B3GALT1: variants seen among roughly 807,000 people sequenced by gnomAD.
B3GALT1 encodes the protein beta-1,3-galactosyltransferase 1, also known as UDP-Gal:betaGlcNAc beta 1,3-galactosyltransferase, polypeptide 1.
A neutral mutation model predicts 23.2 loss-of-function variants in B3GALT1; 10 were observed. The observed-to-expected ratio is 0.43, with a 90% CI of 0.27 to 0.73. The LOEUF (loss-of-function observed/expected upper bound fraction) is 0.73, where lower values mean the gene tolerates loss of function less well. Among genes scored for constraint, B3GALT1 ranks in the 30% least tolerant of loss-of-function variants. The pLI is 0.21. For synonymous variants in B3GALT1, 156 were observed against 141.5 expected (o/e 1.10, Z -0.73); for missense variants, 299 against 405.4 (o/e 0.74, Z 2.25).
chr2:167,355,467 G>A (rs1261294308), intron 1 of B3GALT1, among the ~76,000 whole-genome samples: 1 of 152,126 alleles, frequency 6.6e-6, no homozygotes, highest in Non-Finnish European at 1.5e-5. Context: ...TCTATGTATT[G>A]TATTTAATAA....
At chr2:167,310,895 T>G (rs1393198726) in intron 1 of B3GALT1, among the ~76,000 whole-genome samples, 1 of 152,044 alleles carries the variant, frequency 6.6e-6, no homozygotes, top group Non-Finnish European at 1.5e-5. Flanking sequence ...TTTGCTAATG[T>G]CTCACATTTG....
In B3GALT1 at chr2:167,867,013, A is replaced by G. The variant is rs62195018; in HGVS notation, c.-229-1798A>G. ...GCAATCTCAGCTCACTGCAAGCTCC[A>G]CCTCCTGGATTCAGGCCATTCTCCT... On this transcript the variant is annotated intron_variant, in intron 4 of 4. Transcript: ENST00000392690. Among the ~76,000 whole-genome samples the G allele has an allele frequency of 5.0e-4, 75 of 149,982 alleles. 1 individual carries two copies. Among genetic ancestry groups the G allele is most frequent in the East Asian group, 7.9e-4 (4 of 5,074 alleles).
Position 167,560,801 on chromosome 2 carries a change from T to C in B3GALT1, c.-410+70524T>C, listed in dbSNP as rs146715892. Among the ~76,000 whole-genome samples the C allele has an allele frequency of 5.5e-3, 842 of 152,232 alleles. 24 individuals are homozygous for C. In the East Asian group the frequency reaches 0.082, roughly 15 times the overall value. On this transcript the variant is annotated intron_variant, in intron 2 of 4. Transcript: ENST00000392690. The stretch of plus-strand genomic sequence containing the variant: ...CCCAATACAGGGGCACCCAGATCCA[T>C]AAAGCAAGTCCTGGGTGACCTACAA...
rs1690373551 is a variant in B3GALT1, at chr2:167,872,528, C to T, written c.*2508C>T. 6.6e-6 allele frequency: 1 copy of T among 152,262 alleles called. No individual in the cohort carries two copies. Among genetic ancestry groups the T allele is most frequent in the Non-Finnish European group, 1.5e-5 (1 of 68,062 alleles). The allele number at this position is 152,262 out of a possible 1,614,324, so 9.4% of individuals were successfully genotyped here. On this transcript the variant is annotated 3_prime_UTR_variant, in exon 5 of 5. Transcript: ENST00000392690. ...ACTGGGAAAGTCTCACGACTTCTTA[C>T]TTGGTTTACCTTCGAGTTGTGCAGC...
chr2:167,599,516 G>A (rs917558459), intron 2 of B3GALT1, among the ~76,000 whole-genome samples: 2 of 152,156 alleles, frequency 1.3e-5, no homozygotes, highest in African/African-American at 4.8e-5. Flanking sequence ...TGCATAGGTG[G>A]CAAAGGACAG....
rs998764224 is a variant in B3GALT1 at position 167,682,087 on chromosome 2, T to C, written c.-352+35121T>C. On this transcript the variant is annotated intron_variant, in intron 3 of 4. Coordinates refer to ENST00000392690, the MANE Select transcript of B3GALT1 (RefSeq NM_020981.4). Reference sequence around the variant, plus strand: ...AGCATGTCCTTTAATTTTCCCCTTGTTCTATGACTCACTTCTCCCCATCCT... The same window carrying C: ...AGCATGTCCTTTAATTTTCCCCTTGCTCTATGACTCACTTCTCCCCATCCT... 2.6e-5 allele frequency among the ~76,000 whole-genome samples: 4 copies of C among 152,336 alleles called. No homozygotes were observed. In the South Asian group the frequency reaches 8.3e-4, roughly 32 times the overall value.
intron 1 of B3GALT1, among the ~76,000 whole-genome samples, chr2:167,393,384 G>A (rs2105284259): frequency 6.6e-6 from 1 of 151,878 alleles, no homozygotes; most frequent in South Asian, 2.1e-4. Flanking sequence ...TCAAGAGCAG[G>A]GAGAGTGTGG....
At chr2:167,851,418 C>T (rs1689884429) in intron 4 of B3GALT1, among the ~76,000 whole-genome samples, 1 of 152,210 alleles carries the variant, frequency 6.6e-6, no homozygotes, top group Non-Finnish European at 1.5e-5. Flanking sequence ...TAACTGTCCA[C>T]TAAGGCCTGA....
chr2:167,740,854 T>G (rs1467879443), intron 3 of B3GALT1, among the ~76,000 whole-genome samples: 1 of 152,106 alleles, frequency 6.6e-6, no homozygotes, highest in Admixed American at 6.5e-5. Flanking sequence ...CAACCACACT[T>G]TAGTCTTTTG....
At chr2:167,775,405 C>G (rs1688144179) in intron 3 of B3GALT1, among the ~76,000 whole-genome samples, 1 of 151,980 alleles carries the variant, frequency 6.6e-6, no homozygotes, top group African/African-American at 2.4e-5. Flanking sequence ...CCCATCTCTA[C>G]TGTAAATACA....
intron 3 of B3GALT1, among the ~76,000 whole-genome samples, chr2:167,768,296 C>T (rs1574252604): frequency 6.6e-6 from 1 of 152,246 alleles, no homozygotes; most frequent in Non-Finnish European, 1.5e-5. Flanking sequence ...AATATATTTA[C>T]TCCATGCTTC....
At chr2:167,316,611 A>G (rs146357634) in intron 1 of B3GALT1, among the ~76,000 whole-genome samples, 7 of 152,246 alleles carry the variant, frequency 4.6e-5, no homozygotes, top group African/African-American at 1.7e-4. Context: ...GTCTTGGCTA[A>G]TAACATATTG....
intron 2 of B3GALT1, among the ~76,000 whole-genome samples, chr2:167,535,621 C>T (rs1683403038): frequency 6.6e-6 from 1 of 151,402 alleles, no homozygotes; most frequent in Admixed American, 6.6e-5. Flanking sequence ...AAAGGAGAGG[C>T]ATACCATGTT....
intron 1 of B3GALT1, among the ~76,000 whole-genome samples, chr2:167,466,224 C>G (rs1434430186): frequency 6.6e-6 from 1 of 152,040 alleles, no homozygotes; most frequent in Admixed American, 6.6e-5. Context: ...ACATAAGATG[C>G]TAAGATAATA....
chr2:167,761,138 C>G (rs767307556), intron 3 of B3GALT1, among the ~76,000 whole-genome samples: 1 of 152,170 alleles, frequency 6.6e-6, no homozygotes, highest in Non-Finnish European at 1.5e-5. Context: ...CCAGCAATCA[C>G]GTAGTGATAG....
At chr2:167,588,687 C>T (rs922934976) in intron 2 of B3GALT1, among the ~76,000 whole-genome samples, 3 of 151,610 alleles carry the variant, frequency 2.0e-5, no homozygotes, top group African/African-American at 7.3e-5. Context: ...TTTCTTTATA[C>T]TATTTGCTTA....
rs138607232 is a variant in B3GALT1 at position 167,506,892 on chromosome 2, C to G, written c.-410+16615C>G. Among the ~76,000 whole-genome samples the G allele has an allele frequency of 4.8e-3, 737 of 152,102 alleles. 10 individuals carry two copies. Among genetic ancestry groups the G allele is most frequent in the African/African-American group, 0.017 (699 of 41,474 alleles). On this transcript the variant is annotated intron_variant, in intron 2 of 4. Transcript: ENST00000392690. The stretch of plus-strand genomic sequence containing the variant: ...TCAAATTTCATTGACTGGAATGTAA[C>G]ATGTATAAAGTGAGTGAGTAGAACA...
intron 3 of B3GALT1, among the ~76,000 whole-genome samples, chr2:167,724,566 T>C (rs1687280295): frequency 6.6e-6 from 1 of 152,216 alleles, no homozygotes; most frequent in East Asian, 1.9e-4. Flanking sequence ...ACTATATGGG[T>C]TATATTTATC....
intron 2 of B3GALT1, among the ~76,000 whole-genome samples, chr2:167,531,202 CAT>C (rs1411250387): frequency 2.0e-5 from 3 of 152,106 alleles, no homozygotes; most frequent in Non-Finnish European, 4.4e-5. Flanking sequence ...ATCTCAGTGA[CAT>C]GTGATGCTTT....
Sources: allele counts gnomAD v4.1 joint callset (sites outside exome capture counted in the v4.1 genomes callset), GRCh38; gene constraint gnomAD v4.1.1; transcripts MANE v1.5; gene names NCBI Gene and HGNC (gene_info 2026-07-23, HGNC 2026-07-21).